Variants in SGCB observed in about 807,000 individuals in gnomAD.
SGCB encodes sarcoglycan beta, also known as beta-sarcoglycan.
In SGCB, 25 loss-of-function variants were observed where a neutral mutation model predicts 27.3. The observed-to-expected ratio is 0.92, with a 90% CI of 0.67 to 1.28. SGCB has a LOEUF of 1.28. Among genes scored for constraint, SGCB ranks in the 50% most tolerant of loss-of-function variants. The pLI, the probability that SGCB is intolerant of heterozygous loss-of-function variation, is 0.00. For synonymous variants in SGCB, 147 were observed against 133.5 expected (o/e 1.10, Z -0.70); for missense variants, 436 against 402.1 (o/e 1.08, Z -0.72).
At chr4:52,032,550 T>C (rs1737275876) in intron 2 of SGCB, among the ~76,000 whole-genome samples, 1 of 152,240 alleles carries the variant, frequency 6.6e-6, no homozygotes, top group South Asian at 2.1e-4. Context: ...ATAAAATGCA[T>C]TCAGATTTGT....
Position 52,033,441 on chromosome 4 carries a change from A to AT in SGCB, c.232dup (p.Ile78AsnfsTer21). 1 of 1,608,408 alleles carries AT rather than the reference A, an allele frequency of 6.2e-7. No homozygotes were observed. Among genetic ancestry groups the AT allele is most frequent in the Admixed American group, 1.7e-5 (1 of 60,030 alleles). On this transcript the variant is annotated frameshift_variant, in exon 2 of 6. Coordinates refer to ENST00000381431, the MANE Select transcript of SGCB (RefSeq NM_000232.5). LOFTEE classifies it high-confidence loss of function. Reference sequence around the variant, plus strand: ...CTTACAAATACTCACTATTAAATTGATGACAGCCAGGATAAACAAGAGGAT... The same window carrying AT: ...CTTACAAATACTCACTATTAAATTGATTGACAGCCAGGATAAACAAGAGGAT...
Position 52,023,874 on chromosome 4 carries a change from C to T in SGCB, c.*83G>A, listed in dbSNP as rs1047491385. On this transcript the variant is annotated 3_prime_UTR_variant, in exon 6 of 6. Transcript: ENST00000381431. ...TGCCATTAAAATAATTATGAGTTATCACAAACTCTGTAAAAACAATGATTT... is the reference window on the plus strand; with the variant it reads ...TGCCATTAAAATAATTATGAGTTATTACAAACTCTGTAAAAACAATGATTT... 4.7e-6 allele frequency: 5 copies of T among 1,074,680 alleles called. No individual in the cohort carries two copies. The highest frequency in any genetic ancestry group is 3.1e-5 in the African/African-American group (2 of 64,674). The allele number at this position is 1,074,680 out of a possible 1,614,324, so 66.6% of individuals were successfully genotyped here. A position where few individuals can be genotyped will look rare whatever the true frequency, so the allele number is the denominator to read the frequency against.
chr4:52,034,155 C>CCCTGTCT (rs958249626), intron 1 of SGCB, among the ~76,000 whole-genome samples: 18 of 150,694 alleles, frequency 1.2e-4, no homozygotes, highest in Non-Finnish European at 3.0e-5. Context: ...GATGGTGAAA[C>CCCTGTCT]CCTGTCTCTA....
chr4:52,031,144 G>A (rs372372571), intron 2 of SGCB, among the ~76,000 whole-genome samples: 6 of 151,808 alleles, frequency 4.0e-5, no homozygotes, highest in South Asian at 4.2e-4. Flanking sequence ...TATGCATTAC[G>A]CTGGACCCAG....
chr4:52,024,122 G>A lies in SGCB; in HGVS notation c.792C>T (p.Ser264=), dbSNP rs1476325500. The A allele has an allele frequency of 1.9e-6, 3 of 1,613,962 alleles. No individual in the cohort carries two copies. Among genetic ancestry groups the A allele is most frequent in the Admixed American group, 3.3e-5 (2 of 60,004 alleles). Residue 264 remains serine, a synonymous_variant, in exon 6 of 6, where the codon AGC becomes AGT. Coordinates refer to ENST00000381431, the MANE Select transcript of SGCB (RefSeq NM_000232.5). ...SIILNGSVMV[S]TTRLPSSSSG... is the part of the protein sequence containing the mutation. Reference sequence around the variant, plus strand: ...TGGAGGAACTGGGTAGGCGGGTGGTGCTGACCATCACAGATCCATTTAGGA... The same window carrying A: ...TGGAGGAACTGGGTAGGCGGGTGGTACTGACCATCACAGATCCATTTAGGA...
intron 1 of SGCB, among the ~76,000 whole-genome samples, 190 bp from the exon 2 acceptor site, chr4:52,033,830 A>G (rs1737313704): frequency 6.6e-6 from 1 of 152,212 alleles, no homozygotes; most frequent in South Asian, 2.1e-4. Flanking sequence ...AAAGTACAGA[A>G]GAAACTTCAA....
chr4:52,028,380 G>GT (rs1737161306), intron 4 of SGCB, among the ~76,000 whole-genome samples: 1 of 152,190 alleles, frequency 6.6e-6, no homozygotes, highest in Non-Finnish European at 1.5e-5. Flanking sequence ...GCTCACGCCT[G>GT]TAATCCCAGC....
rs1425750690 is a variant in SGCB, at chr4:52,022,628, G to T, written c.*1329C>A. The T allele has an allele frequency of 6.6e-6, 1 of 152,188 alleles. No homozygotes were observed. Among genetic ancestry groups the T allele is most frequent in the Admixed American group, 6.5e-5 (1 of 15,282 alleles). 9.4% of individuals were successfully genotyped at this position (152,188 alleles called of 1,614,324 possible). A position where few individuals can be genotyped will look rare whatever the true frequency, so the allele number is the denominator to read the frequency against. ...CTGCATTAGCACTCTTTAGTCCAGT[G>T]CTTCTGGACTTATTTTCGAGGCATG... On this transcript the variant is annotated 3_prime_UTR_variant, in exon 6 of 6. Transcript: ENST00000381431.
chr4:52,029,916 T>C (rs916126807), intron 2 of SGCB, 53 bp from the exon 3 acceptor site: 2 of 1,349,262 alleles, frequency 1.5e-6, no homozygotes, highest in Non-Finnish European at 2.1e-6. Flanking sequence ...TTAATGTAAT[T>C]GGAAAACAAA....
chr4:52,025,255 A>G (rs1439143976), intron 5 of SGCB, among the ~76,000 whole-genome samples: 1 of 152,202 alleles, frequency 6.6e-6, no homozygotes, highest in African/African-American at 2.4e-5. Context: ...ATCAGGTGGG[A>G]TAAATGCTAT....
Position 52,038,295 on chromosome 4 carries a change from A to G in SGCB, c.-36T>C, listed in dbSNP as rs1447288109. The G allele has an allele frequency of 1.6e-6, 2 of 1,277,782 alleles. No homozygotes were observed. The highest frequency in any genetic ancestry group is 9.9e-7 in the Non-Finnish European group (1 of 1,012,440). 79.2% of individuals were successfully genotyped at this position (1,277,782 alleles called of 1,614,324 possible). A position where few individuals can be genotyped will look rare whatever the true frequency, so the allele number is the denominator to read the frequency against. On this transcript the variant is annotated 5_prime_UTR_variant, in exon 1 of 6. Coordinates refer to ENST00000381431, the MANE Select transcript of SGCB (RefSeq NM_000232.5). ...CCGCCGCCGCCGAGCTCCCCGCCCG[A>G]CTGTGCCCGCCCCTCCGCGACCGCA...
At chr4:52,037,561 A>G (rs1737427913) in intron 1 of SGCB, among the ~76,000 whole-genome samples, 1 of 152,236 alleles carries the variant, frequency 6.6e-6, no homozygotes, top group Non-Finnish European at 1.5e-5. Flanking sequence ...ACACACACAC[A>G]TATGCATGTA....
At chr4:52,025,842 T>A (rs150586964) in intron 5 of SGCB, among the ~76,000 whole-genome samples, 1 of 152,274 alleles carries the variant, frequency 6.6e-6, no homozygotes, top group Non-Finnish European at 1.5e-5. Flanking sequence ...CTTCTGAAGG[T>A]AGAGCCAGAA....
At chr4:52,036,683 G>A (rs1184849250) in intron 1 of SGCB, among the ~76,000 whole-genome samples, 1 of 152,178 alleles carries the variant, frequency 6.6e-6, no homozygotes, top group Non-Finnish European at 1.5e-5. Context: ...GTTTGGATAT[G>A]AGTGTGGCAC....
rs760397229 is a variant in SGCB at position 52,027,849 on chromosome 4, T to A, written c.753+119A>T. 6.3e-6 allele frequency: 6 copies of A among 958,636 alleles called. No individual in the cohort carries two copies. The East Asian group carries it at 1.2e-4, about 20-fold the overall frequency. The allele number at this position is 958,636 out of a possible 1,614,324, so 59.4% of individuals were successfully genotyped here. On this transcript the variant is annotated intron_variant, in intron 5 of 5. Coordinates refer to ENST00000381431, the MANE Select transcript of SGCB (RefSeq NM_000232.5). Reference sequence around the variant, plus strand: ...TTTACTTCACAACCCACTTTGAACATCTTTCCATGTCAAAAAATAGACAAT... The same window carrying A: ...TTTACTTCACAACCCACTTTGAACAACTTTCCATGTCAAAAAATAGACAAT...
intron 1 of SGCB, among the ~76,000 whole-genome samples, chr4:52,034,053 C>T (rs1329242424): frequency 6.6e-6 from 1 of 151,746 alleles, no homozygotes; most frequent in Non-Finnish European, 1.5e-5. Flanking sequence ...TATTTGAGGC[C>T]AGGCGCGGTG....
At chr4:52,033,674 T>C in intron 1 of SGCB, 34 bp from the exon 2 acceptor site, 3 of 1,507,216 alleles carry the variant, frequency 2.0e-6, no homozygotes, top group South Asian at 1.1e-5. Flanking sequence ...GGAACAGCTA[T>C]ACCCTCTCGT....
rs1239519932 is a variant in SGCB, at chr4:52,027,589, G to GT, written c.753+378dup. ...ATCTTCCAGAATTCTCTTTTAGAAGGTTTTTTTTTTTGCCTTCTAAAACAA... is the reference window on the plus strand; with the variant it reads ...ATCTTCCAGAATTCTCTTTTAGAAGGTTTTTTTTTTTTGCCTTCTAAAACAA... On this transcript the variant is annotated intron_variant, in intron 5 of 5. Transcript: ENST00000381431. Among the ~76,000 whole-genome samples, 626 of 131,112 alleles carry GT rather than the reference G, an allele frequency of 4.8e-3. 5 individuals are homozygous for GT. Among genetic ancestry groups the GT allele is most frequent in the African/African-American group, 0.011 (403 of 35,664 alleles). 86.0% of individuals were successfully genotyped at this position (131,112 alleles called of 152,430 possible).
At position 52,038,251 on chromosome 4, in the gene SGCB, T is replaced by TGCCGCCATCTTCCCGCGCCC. The variant is rs1207685911; in HGVS notation, c.-12_8dup (p.Ala4GlyfsTer22). On this transcript the variant is annotated frameshift_variant, in exon 1 of 6. Coordinates refer to ENST00000381431, the MANE Select transcript of SGCB (RefSeq NM_000232.5). LOFTEE classifies it high-confidence loss of function. ...CCTGTTCTGCAGCCGCCGCCGCCGC[T>TGCCGCCATCTTCCCGCGCCC]GCCGCCATCTTCCCGCGCCCGCCGC... 2.3e-6 allele frequency: 3 copies of TGCCGCCATCTTCCCGCGCCC among 1,295,738 alleles called. No individual in the cohort carries two copies. Among genetic ancestry groups the TGCCGCCATCTTCCCGCGCCC allele is most frequent in the Non-Finnish European group, 2.9e-6 (3 of 1,018,514 alleles). 80.3% of individuals were successfully genotyped at this position (1,295,738 alleles called of 1,614,324 possible).
Sources: gnomAD v4.1 joint callset for allele counts (sites outside exome capture counted in the v4.1 genomes callset) on GRCh38, gnomAD v4.1.1 for gene constraint, MANE v1.5 for transcripts, NCBI Gene and HGNC (gene_info 2026-07-23, HGNC 2026-07-21) for gene names.